DLGAP1: variants seen among roughly 807,000 people sequenced by gnomAD.
The protein encoded by DLGAP1 is disks large-associated protein 1.
Under a neutral mutation model 90.8 loss-of-function variants are expected in DLGAP1, and 11 were observed. The observed-to-expected ratio is 0.12, with a 90% CI of 0.08 to 0.20. The LOEUF is 0.20. Among genes scored for constraint, DLGAP1 ranks in the 10% least tolerant of loss-of-function variants. The pLI, the probability that DLGAP1 is intolerant of heterozygous loss-of-function variation, is 1.00. For synonymous variants in DLGAP1, 558 were observed against 540.7 expected (o/e 1.03, Z -0.44); for missense variants, 1,050 against 1,333.8 (o/e 0.79, Z 3.31).
At chr18:3,871,510 TA>T (rs1401115097) in intron 4 of DLGAP1, among the ~76,000 whole-genome samples, 4 of 152,108 alleles carry the variant, frequency 2.6e-5, no homozygotes, top group African/African-American at 7.2e-5. Flanking sequence ...AAATTGTGGT[TA>T]AAAAAATTAA....
At chr18:3,998,260 T>C (rs2074109532) in intron 3 of DLGAP1, among the ~76,000 whole-genome samples, 1 of 152,210 alleles carries the variant, frequency 6.6e-6, no homozygotes, top group Admixed American at 6.5e-5. Context: ...AAATGTTTGA[T>C]CTCTTCCTTT....
chr18:3,614,686 CA>C (rs35764644), intron 7 of DLGAP1, among the ~76,000 whole-genome samples: 4,532 of 104,962 alleles, frequency 0.043, 147 homozygotes, highest in African/African-American at 0.085. Context: ...ACTAAAAATA[CA>C]AAAAAAAAAA....
chr18:3,934,016 C>T (rs1261681921), intron 3 of DLGAP1, among the ~76,000 whole-genome samples: 2 of 152,172 alleles, frequency 1.3e-5, no homozygotes, highest in East Asian at 1.9e-4. Context: ...TGAGCCTCTG[C>T]CACACTCAGT....
chr18:3,675,066 C>A (rs1476174142), intron 7 of DLGAP1, among the ~76,000 whole-genome samples: 1 of 152,198 alleles, frequency 6.6e-6, no homozygotes, highest in Non-Finnish European at 1.5e-5. Flanking sequence ...AAGTACCACG[C>A]AGTGGGTTAG....
At chr18:4,182,354 AAG>A (rs1295940754) in intron 1 of DLGAP1, among the ~76,000 whole-genome samples, 4 of 152,130 alleles carry the variant, frequency 2.6e-5, no homozygotes, top group Admixed American at 2.0e-4. Flanking sequence ...TTAACCACTG[AAG>A]AGAGTTTTTC....
intron 10 of DLGAP1, among the ~76,000 whole-genome samples, chr18:3,512,586 A>C (rs891861463): frequency 6.6e-6 from 1 of 152,246 alleles, no homozygotes; most frequent in Non-Finnish European, 1.5e-5. Flanking sequence ...CTTTGTGAAC[A>C]TGTGTTTACT....
intron 2 of DLGAP1, among the ~76,000 whole-genome samples, chr18:4,060,659 A>G (rs960827318): frequency 2.6e-5 from 4 of 152,196 alleles, no homozygotes; most frequent in Admixed American, 2.0e-4. Flanking sequence ...CAGTACAAAC[A>G]ACTTCCTCAC....
chr18:3,698,201 GTT>G (rs1408141505), intron 7 of DLGAP1, among the ~76,000 whole-genome samples: 1 of 152,108 alleles, frequency 6.6e-6, no homozygotes, highest in Non-Finnish European at 1.5e-5. Flanking sequence ...GGTTAATACT[GTT>G]TGTGTGAATT....
At chr18:3,683,777 G>GT (rs987729464) in intron 7 of DLGAP1, among the ~76,000 whole-genome samples, 1 of 152,148 alleles carries the variant, frequency 6.6e-6, no homozygotes, top group African/African-American at 2.4e-5. Context: ...AGAAATGATG[G>GT]TAAGAAAAAG....
At chr18:4,308,747 A>G (rs1413072760) in intron 1 of DLGAP1, among the ~76,000 whole-genome samples, 1 of 152,226 alleles carries the variant, frequency 6.6e-6, no homozygotes, top group African/African-American at 2.4e-5. Flanking sequence ...TTCAATTTCT[A>G]TGTGAAGAGC....
chr18:3,867,135 A>C (rs2070445929), intron 4 of DLGAP1, among the ~76,000 whole-genome samples: 1 of 152,200 alleles, frequency 6.6e-6, no homozygotes, highest in African/African-American at 2.4e-5. Flanking sequence ...TACAGGTGTG[A>C]ACCACTGCGC....
At chr18:4,402,279 A>G (rs1037815462) in intron 1 of DLGAP1, among the ~76,000 whole-genome samples, 9 of 152,212 alleles carry the variant, frequency 5.9e-5, no homozygotes, top group Admixed American at 1.3e-4. Context: ...AGTTAAACTC[A>G]CATCTATATT....
intron 2 of DLGAP1, among the ~76,000 whole-genome samples, chr18:4,068,135 T>C (rs952812415): frequency 3.3e-5 from 5 of 152,022 alleles, no homozygotes; most frequent in Admixed American, 2.0e-4. Context: ...TTGCATTTAT[T>C]ACCATATGGC....
chr18:4,313,531 G>A (rs1479192757), intron 1 of DLGAP1, among the ~76,000 whole-genome samples: 1 of 152,138 alleles, frequency 6.6e-6, no homozygotes, highest in African/African-American at 2.4e-5. Context: ...TGTGTTAGAC[G>A]AAACTCTGAC....
In DLGAP1 at chr18:4,424,411, CCTCT is replaced by C. The variant is rs755219582; in HGVS notation, c.-267+30591_-267+30594del. ...GATTTACATTTTCCAGAATTCACCT[CCTCT>C]ATTTCTGATTTTTACACCATCCTCC... On this transcript the variant is annotated intron_variant, in intron 1 of 12. Transcript: ENST00000315677. Among the ~76,000 whole-genome samples, 23 of 152,228 alleles carry C rather than the reference CCTCT, an allele frequency of 1.5e-4. No individual in the cohort carries two copies. In the East Asian group the frequency reaches 4.2e-3, roughly 28 times the overall value.
At chr18:4,294,595 C>T (rs1162469089) in intron 1 of DLGAP1, 1 of 152,272 alleles carries the variant, frequency 6.6e-6, no homozygotes, top group Non-Finnish European at 1.5e-5. Flanking sequence ...GGGTGAGTTT[C>T]TGTGATTCCC....
chr18:3,849,515 G>A (rs997433005), intron 4 of DLGAP1, among the ~76,000 whole-genome samples: 23 of 152,094 alleles, frequency 1.5e-4, no homozygotes, highest in African/African-American at 5.1e-4. Context: ...TACCAATTCC[G>A]CATGCCCTAG....
In DLGAP1 at chr18:4,248,906, T is replaced by A. The variant is rs571678578; in HGVS notation, c.-266-97619A>T. Among the ~76,000 whole-genome samples the A allele has an allele frequency of 1.2e-3, 184 of 152,192 alleles. 1 individual carries two copies. Among genetic ancestry groups the A allele is most frequent in the Admixed American group, 3.2e-3 (49 of 15,282 alleles). On this transcript the variant is annotated intron_variant, in intron 1 of 12. Coordinates refer to ENST00000315677, the MANE Select transcript of DLGAP1 (RefSeq NM_004746.4). ...ACTCCCACTGCTTCAGGGCACTGGT[T>A]CACATGCAGTGCCTTGAATTGGTCA... is the stretch of plus-strand genomic sequence containing the variant.
chr18:4,453,376 G>A (rs898984225), intron 1 of DLGAP1, among the ~76,000 whole-genome samples: 41 of 152,100 alleles, frequency 2.7e-4, no homozygotes, highest in African/African-American at 9.6e-4. Flanking sequence ...ATATTCTTCT[G>A]GCATGAAATA....
Sources: allele counts gnomAD v4.1 joint callset (sites outside exome capture counted in the v4.1 genomes callset), GRCh38; gene constraint gnomAD v4.1.1; transcripts MANE v1.5; gene names NCBI Gene and HGNC (gene_info 2026-07-23, HGNC 2026-07-21).